INPP4B: variants seen among roughly 807,000 people sequenced by gnomAD.
INPP4B encodes inositol polyphosphate 4-phosphatase type II.
INPP4B carries 55 observed loss-of-function variants against 122.5 expected under a neutral mutation model. The ratio of observed to expected loss-of-function variants is 0.45; its 90% confidence interval spans 0.36 to 0.56. INPP4B has a LOEUF of 0.56. Among genes scored for constraint, INPP4B ranks in the 20% least tolerant of loss-of-function variants. The pLI is 0.00. For missense variants in INPP4B, 1,000 were observed against 1,097.7 expected (o/e 0.91, Z 1.26); for synonymous variants, 403 against 388.7 (o/e 1.04, Z -0.43).
At chr4:142,281,422 C>A (rs1318007801) in intron 9 of INPP4B, among the ~76,000 whole-genome samples, 1 of 151,114 alleles carries the variant, frequency 6.6e-6, no homozygotes, top group Non-Finnish European at 1.5e-5. Flanking sequence ...TGCTTTTAGA[C>A]ACTCTGAAAA....
chr4:142,161,360 G>A (rs1819997898), intron 16 of INPP4B, among the ~76,000 whole-genome samples: 1 of 151,826 alleles, frequency 6.6e-6, no homozygotes, highest in Admixed American at 6.6e-5. Context: ...TAGACTGAAG[G>A]GTGCAGTAAT....
intron 1 of INPP4B, among the ~76,000 whole-genome samples, chr4:142,818,746 G>C (rs74649812): frequency 3.3e-5 from 5 of 152,020 alleles, no homozygotes; most frequent in Admixed American, 6.6e-5. Flanking sequence ...CCACAACTCT[G>C]TCAGGTCACT....
chr4:142,564,235 T>A (rs2150132130), intron 2 of INPP4B, among the ~76,000 whole-genome samples: 1 of 152,172 alleles, frequency 6.6e-6, no homozygotes, highest in South Asian at 2.1e-4. Flanking sequence ...GGCTTGCAGT[T>A]TACCTGGGGA....
At chr4:142,635,028 C>A (rs1476702399) in intron 2 of INPP4B, among the ~76,000 whole-genome samples, 12 of 151,928 alleles carry the variant, frequency 7.9e-5, no homozygotes, top group Non-Finnish European at 1.0e-4. Flanking sequence ...AAAACAACCC[C>A]ATTCAAAAGT....
intron 18 of INPP4B, among the ~76,000 whole-genome samples, chr4:142,131,820 T>C (rs962562367): frequency 2.0e-5 from 3 of 152,118 alleles, no homozygotes; most frequent in Non-Finnish European, 4.4e-5. Flanking sequence ...ATGGGCATGG[T>C]GGCGCATGCC....
chr4:142,401,659 G>T (rs528906545), intron 7 of INPP4B, among the ~76,000 whole-genome samples: 1 of 152,038 alleles, frequency 6.6e-6, no homozygotes, highest in Non-Finnish European at 1.5e-5. Flanking sequence ...AACACTTTAC[G>T]TATATTAATT....
intron 2 of INPP4B, among the ~76,000 whole-genome samples, chr4:142,528,243 A>G (rs1241607133): frequency 7.2e-5 from 11 of 152,090 alleles, no homozygotes; most frequent in Non-Finnish European, 7.4e-5. Flanking sequence ...TACATTTATT[A>G]TCTCAGTTTC....
chr4:142,752,245 A>G (rs1769845006), intron 1 of INPP4B, among the ~76,000 whole-genome samples: 1 of 152,086 alleles, frequency 6.6e-6, no homozygotes, highest in African/African-American at 2.4e-5. Context: ...TGTGGAGAGC[A>G]GAGATTTAGG....
chr4:142,343,500 G>A (rs902394296), intron 7 of INPP4B, among the ~76,000 whole-genome samples: 4 of 150,740 alleles, frequency 2.7e-5, no homozygotes, highest in South Asian at 2.1e-4. Flanking sequence ...AAAAAACCCC[G>A]AGAGTTTCTA....
intron 25 of INPP4B, among the ~76,000 whole-genome samples, chr4:142,031,772 T>G (rs1287253025): frequency 6.6e-6 from 1 of 152,182 alleles, no homozygotes; most frequent in African/African-American, 2.4e-5. Context: ...TTCTATTGGC[T>G]TCAAATCCCT....
chr4:142,028,425 G>A lies in INPP4B; in HGVS notation c.*357C>T, dbSNP rs1212388107. The A allele has an allele frequency of 4.0e-6, 1 of 248,838 alleles. No individual in the cohort carries two copies. The highest frequency in any genetic ancestry group is 5.3e-5 in the Admixed American group (1 of 18,942). 15.4% of individuals were successfully genotyped at this position (248,838 alleles called of 1,614,324 possible). On this transcript the variant is annotated 3_prime_UTR_variant, in exon 26 of 26. Coordinates refer to ENST00000262992, the MANE Select transcript of INPP4B (RefSeq NM_001101669.3). Reference sequence around the variant, plus strand: ...CTCCTCTCTTCCATTTGGTTGGAGAGTGGTGCTCTGTGAATCACCCCTAGT... The same window carrying A: ...CTCCTCTCTTCCATTTGGTTGGAGAATGGTGCTCTGTGAATCACCCCTAGT...
intron 18 of INPP4B, among the ~76,000 whole-genome samples, chr4:142,139,725 G>T (rs550679620): frequency 3.5e-4 from 53 of 152,262 alleles, no homozygotes; most frequent in African/African-American, 1.2e-3. Context: ...TGAAGGTTGG[G>T]GTGCACTTTT....
At chr4:142,539,111 T>C (rs867890596) in intron 2 of INPP4B, among the ~76,000 whole-genome samples, 2 of 149,748 alleles carry the variant, frequency 1.3e-5, no homozygotes, top group African/African-American at 2.4e-5. Flanking sequence ...CAATTTAGGA[T>C]TTTATTTCCC....
chr4:142,378,031 T>C (rs1428672735), intron 7 of INPP4B, among the ~76,000 whole-genome samples: 3 of 152,126 alleles, frequency 2.0e-5, no homozygotes, highest in Non-Finnish European at 4.4e-5. Context: ...AAAATATCTG[T>C]AGTAAATAAT....
intron 11 of INPP4B, among the ~76,000 whole-genome samples, chr4:142,247,528 A>G (rs1729523299): frequency 6.6e-6 from 1 of 152,108 alleles, no homozygotes; most frequent in Non-Finnish European, 1.5e-5. Flanking sequence ...GGGAGGGTGT[A>G]TGTGCCCAGG....
In INPP4B at chr4:142,337,114, C is replaced by A. The variant is rs184199873; in HGVS notation, c.373-22352G>T. Among the ~76,000 whole-genome samples, 20 of 152,010 alleles carry A rather than the reference C, an allele frequency of 1.3e-4. 1 individual carries two copies. Among genetic ancestry groups the A allele is most frequent in the Non-Finnish European group, 2.1e-4 (14 of 67,972 alleles). On this transcript the variant is annotated intron_variant, in intron 7 of 25. Coordinates refer to ENST00000262992, the MANE Select transcript of INPP4B (RefSeq NM_001101669.3). ...TTGCCTTTCTTTGTTAACTCAATTT[C>A]TTTTAGATTTATCCATGTTGTTGCA...
chr4:142,521,430 A>T (rs1429438152), intron 2 of INPP4B, among the ~76,000 whole-genome samples: 1 of 152,070 alleles, frequency 6.6e-6, no homozygotes, highest in Non-Finnish European at 1.5e-5. Flanking sequence ...ACCCATGAAA[A>T]ACCTTTGTTA....
At chr4:142,234,291 A>C (rs6847049) in intron 12 of INPP4B, among the ~76,000 whole-genome samples, 21,343 of 152,026 alleles carry the variant, frequency 0.14, 1,826 homozygotes, top group African/African-American at 0.24. Context: ...TTGTCTTCCA[A>C]ATTACAGACA....
intron 16 of INPP4B, among the ~76,000 whole-genome samples, chr4:142,167,507 A>G (rs1371099945): frequency 6.6e-6 from 1 of 151,802 alleles, no homozygotes; most frequent in African/African-American, 2.4e-5. Context: ...ACATTTACCT[A>G]TGTAACAAAC....
Sources: allele counts gnomAD v4.1 joint callset (sites outside exome capture counted in the v4.1 genomes callset), GRCh38; gene constraint gnomAD v4.1.1; transcripts MANE v1.5; gene names NCBI Gene and HGNC (gene_info 2026-07-23, HGNC 2026-07-21).